The following AGO2 variants were observed in gnomAD, a reference collection of about 807,000 sequenced individuals.
The protein encoded by AGO2 is protein argonaute-2.
Under a neutral mutation model 102.3 loss-of-function variants are expected in AGO2, and 5 were observed. That is an observed-to-expected ratio of 0.05 (90% CI 0.03 to 0.10). The LOEUF is 0.10. Ranked by LOEUF, AGO2 falls within the 10% of genes least tolerant of loss-of-function variation. AGO2 has a pLI of 1.00. For synonymous variants in AGO2, 449 were observed against 473.1 expected (o/e 0.95, Z 0.66); for missense variants, 541 against 1,183.7 (o/e 0.46, Z 7.97).
At chr8:140,640,914 A>C in the AGO2 span, among the ~76,000 whole-genome samples, 1 of 152,130 alleles carries the variant, frequency 6.6e-6, no homozygotes, top group African/African-American at 2.4e-5. Context: ...AATTCATCCC[A>C]ATGCATCTTC....
chr8:140,531,864 T>A lies in AGO2; in HGVS notation c.*180A>T, dbSNP rs1420496560. The A allele has an allele frequency of 3.3e-6, 2 of 598,008 alleles. No homozygotes were observed. Among genetic ancestry groups the A allele is most frequent in the African/African-American group, 3.7e-5 (2 of 53,996 alleles). The allele number at this position is 598,008 out of a possible 1,614,324, so 37.0% of individuals were successfully genotyped here. On this transcript the variant is annotated 3_prime_UTR_variant, in exon 19 of 19. Transcript: ENST00000220592. Reference sequence around the variant, plus strand: ...ATTGGGTTCTCATACAGGTCTGCAGTTCAAAATCCAAGTTTGAAATCTGGG... The same window carrying A: ...ATTGGGTTCTCATACAGGTCTGCAGATCAAAATCCAAGTTTGAAATCTGGG...
rs2072423771 is a variant in AGO2, at chr8:140,522,021, CAGG to C, written c.*10020_*10022del. The C allele has an allele frequency of 6.6e-6, 1 of 150,568 alleles. No individual in the cohort carries two copies. The highest frequency in any genetic ancestry group is 6.6e-5 in the Admixed American group (1 of 15,126). The allele number at this position is 150,568 out of a possible 1,614,324, so 9.3% of individuals were successfully genotyped here. On this transcript the variant is annotated 3_prime_UTR_variant, in exon 19 of 19. Transcript: ENST00000220592. The stretch of plus-strand genomic sequence containing the variant: ...TTGGACATTTTTTTTTTTCTTTTCA[CAGG>C]GGGGCAGTCGGGATTATAATACACT...
In AGO2 at chr8:140,547,454, G is replaced by A. The variant is rs1471525498; in HGVS notation, c.1748+14C>T. 1.2e-6 allele frequency: 2 copies of A among 1,612,364 alleles called. No individual in the cohort carries two copies. Among genetic ancestry groups the A allele is most frequent in the Non-Finnish European group, 1.7e-6 (2 of 1,179,008 alleles). ...CCCTGGTCCGCAGGCGGAGGTAAAGGGGCCGGGCCTCACCTGCCCTGGGGC... is the reference window on the plus strand; with the variant it reads ...CCCTGGTCCGCAGGCGGAGGTAAAGAGGCCGGGCCTCACCTGCCCTGGGGC... On this transcript the variant is annotated intron_variant, in intron 13 of 18. Coordinates refer to ENST00000220592, the MANE Select transcript of AGO2 (RefSeq NM_012154.5).
rs2073161536 is a variant in AGO2, at chr8:140,559,541, A to G, written c.656-12T>C. The G allele has an allele frequency of 6.2e-7, 1 of 1,613,016 alleles. No homozygotes were observed. Among genetic ancestry groups the G allele is most frequent in the Non-Finnish European group, 8.5e-7 (1 of 1,179,788 alleles). The stretch of plus-strand genomic sequence containing the variant: ...CGCTGTTGCTGACACTGTAGGCGAG[A>G]AAAGAGGCAAAGGCCTAAGCATGAC... On this transcript the variant is annotated splice_polypyrimidine_tract_variant and intron_variant, in intron 5 of 18. Transcript: ENST00000220592.
chr8:140,588,554 A>G (rs935897072), intron 1 of AGO2, among the ~76,000 whole-genome samples: 1 of 132,708 alleles, frequency 7.5e-6, no homozygotes, highest in African/African-American at 2.8e-5. Context: ...CAAACATTCC[A>G]TTTGTGAGGG....
chr8:140,562,744 C>T, intron 3 of AGO2, 110 bp from the exon 4 acceptor site: 1 of 1,334,088 alleles, frequency 7.5e-7, no homozygotes. Context: ...AGTCCCCGCC[C>T]AGGCCTCTAG....
At position 140,612,730 on chromosome 8, in the gene AGO2, C is replaced by T. The variant is rs542229343; in HGVS notation, c.22+22755G>A. On this transcript the variant is annotated intron_variant, in intron 1 of 18. Transcript: ENST00000220592. ...CTGCGCCACTGCACTCCAGCCTGGG[C>T]AACAAGACCCAAAAAACTCGGTCTC... Among the ~76,000 whole-genome samples, 3 of 151,900 alleles carry T rather than the reference C, an allele frequency of 2.0e-5. No homozygotes were observed. In the East Asian group the frequency reaches 5.8e-4, roughly 29 times the overall value.
intron 2 of AGO2, among the ~76,000 whole-genome samples, chr8:140,580,546 C>T (rs915545323): frequency 2.6e-5 from 4 of 152,174 alleles, no homozygotes; most frequent in Middle Eastern, 3.2e-3. Flanking sequence ...CCTTTCCACT[C>T]GGAGCTCCCC....
At chr8:140,617,016 C>T (rs369649929) in intron 1 of AGO2, among the ~76,000 whole-genome samples, 970 of 45,258 alleles carry the variant, frequency 0.021, 16 homozygotes, top group African/African-American at 0.1. Flanking sequence ...CTGCAAGCAA[C>T]GATGCTGGAT....
In AGO2 at chr8:140,570,054, A is replaced by T. The variant is rs562757628; in HGVS notation, c.336+2758T>A. The stretch of plus-strand genomic sequence containing the variant: ...CGATGCGAGAAGATGGACATGGGAC[A>T]CCGCCTTACGCAGGCTCTCACACAG... On this transcript the variant is annotated intron_variant, in intron 3 of 18. Transcript: ENST00000220592. Among the ~76,000 whole-genome samples the T allele has an allele frequency of 3.9e-5, 6 of 152,378 alleles. No individual in the cohort carries two copies. The East Asian group carries it at 1.2e-3, about 29-fold the overall frequency.
intron 1 of AGO2, among the ~76,000 whole-genome samples, chr8:140,604,867 G>T (rs1184860703): frequency 6.6e-6 from 1 of 151,838 alleles, no homozygotes; most frequent in African/African-American, 2.4e-5. Flanking sequence ...GGGAAAACCC[G>T]TGACTGTATT....
At chr8:140,615,383 C>G (rs1404134903) in intron 1 of AGO2, among the ~76,000 whole-genome samples, 2 of 152,288 alleles carry the variant, frequency 1.3e-5, no homozygotes, top group Non-Finnish European at 2.9e-5. Flanking sequence ...TCAGCACCCA[C>G]TCCTTGCCCA....
At chr8:140,552,612 T>C (rs2073016743) in intron 10 of AGO2, among the ~76,000 whole-genome samples, 1 of 152,196 alleles carries the variant, frequency 6.6e-6, no homozygotes, top group Non-Finnish European at 1.5e-5. Context: ...CTACTGCCTG[T>C]TCCCACCAGC....
At chr8:140,558,714 CCACA>C in intron 6 of AGO2, 142 bp from the exon 7 acceptor site, 11 of 801,822 alleles carry the variant, frequency 1.4e-5, no homozygotes, top group Non-Finnish European at 2.0e-5. Context: ...GGAGGGTGAC[CCACA>C]GGTCACCCCC....
Position 140,524,703 on chromosome 8 carries a change from C to G in AGO2, c.*7341G>C, listed in dbSNP as rs987424567. ...AGACAGAGGAAGGCCTTGGCACCAC[C>G]AGCTTCTTGGGACAGAGGGACCTGC... is the stretch of plus-strand genomic sequence containing the variant. On this transcript the variant is annotated 3_prime_UTR_variant, in exon 19 of 19. Transcript: ENST00000220592. 1 of 152,352 alleles carries G rather than the reference C, an allele frequency of 6.6e-6. No individual in the cohort carries two copies. The highest frequency in any genetic ancestry group is 6.5e-5 in the Admixed American group (1 of 15,278). 9.4% of individuals were successfully genotyped at this position (152,352 alleles called of 1,614,324 possible). A position where few individuals can be genotyped will look rare whatever the true frequency, so the allele number is the denominator to read the frequency against.
At chr8:140,556,128 G>A (rs2073090912) in intron 9 of AGO2, 39 bp downstream of exon 9, 1 of 1,613,092 alleles carries the variant, frequency 6.2e-7, no homozygotes, top group Non-Finnish European at 8.5e-7. Flanking sequence ...CAACCGGACT[G>A]GATTCCACAG....
At chr8:140,588,677 A>C (rs1051609630) in intron 1 of AGO2, among the ~76,000 whole-genome samples, 1 of 152,054 alleles carries the variant, frequency 6.6e-6, no homozygotes, top group Admixed American at 6.6e-5. Context: ...GGAAGGAAGG[A>C]AAAAAGCATA....
chr8:140,629,489 C>T (rs1588519986), intron 1 of AGO2, among the ~76,000 whole-genome samples: 2 of 152,124 alleles, frequency 1.3e-5, no homozygotes, highest in Admixed American at 6.5e-5. Context: ...GAGATGCGGA[C>T]GGGGCTGCAG....
At chr8:140,536,061 A>G (rs1173567446) in intron 16 of AGO2, among the ~76,000 whole-genome samples, 1 of 152,220 alleles carries the variant, frequency 6.6e-6, no homozygotes, top group Non-Finnish European at 1.5e-5. Flanking sequence ...GCTTGCGCCC[A>G]GCACCTGAGA....
Sources: allele counts gnomAD v4.1 joint callset (sites outside exome capture counted in the v4.1 genomes callset), GRCh38; gene constraint gnomAD v4.1.1; transcripts MANE v1.5; gene names NCBI Gene and HGNC (gene_info 2026-07-23, HGNC 2026-07-21).